The following DLGAP1 variants were observed in gnomAD, a reference collection of about 807,000 sequenced individuals.
The protein encoded by DLGAP1 is disks large-associated protein 1.
In DLGAP1, 11 loss-of-function variants were observed where a neutral mutation model predicts 90.8. That is an observed-to-expected ratio of 0.12 (90% CI 0.08 to 0.20). The LOEUF (loss-of-function observed/expected upper bound fraction) is 0.20, where lower values mean the gene tolerates loss of function less well. DLGAP1 is among the 10% of genes least tolerant of loss of function. The probability of loss-of-function intolerance (pLI) is 1.00; values close to 1 mark genes in which losing one functional copy is unlikely to be tolerated. For missense variants in DLGAP1, 1,050 were observed against 1,333.8 expected (o/e 0.79, Z 3.31); for synonymous variants, 558 against 540.7 (o/e 1.03, Z -0.44).
At chr18:4,442,456 T>C (rs905059825) in intron 1 of DLGAP1, among the ~76,000 whole-genome samples, 5 of 152,232 alleles carry the variant, frequency 3.3e-5, no homozygotes, top group African/African-American at 1.2e-4. Flanking sequence ...AAATACGCCC[T>C]ATGCTACAAT....
intron 7 of DLGAP1, among the ~76,000 whole-genome samples, chr18:3,583,191 T>TTCCTTCCTTCCTTCCC (rs2055663018): frequency 6.8e-6 from 1 of 147,270 alleles, no homozygotes; most frequent in Non-Finnish European, 1.5e-5. Context: ...CCTACCTTCC[T>TTCCTTCCTTCCTTCCC]TCCTTCCTTC....
chr18:3,676,477 A>G (rs573254285), intron 7 of DLGAP1, among the ~76,000 whole-genome samples: 1 of 151,978 alleles, frequency 6.6e-6, no homozygotes, highest in South Asian at 2.1e-4. Context: ...ATGAGTGTCC[A>G]TGTCCTAAAT....
intron 3 of DLGAP1, among the ~76,000 whole-genome samples, chr18:3,994,230 C>G (rs1250553783): frequency 6.6e-6 from 1 of 152,162 alleles, no homozygotes; most frequent in Non-Finnish European, 1.5e-5. Context: ...CCACTTCCTC[C>G]CTGTGCTGGT....
At position 4,340,144 on chromosome 18, in the gene DLGAP1, CAAT is replaced by C. The variant is rs1288272643; in HGVS notation, c.-267+114859_-267+114861del. On this transcript the variant is annotated intron_variant, in intron 1 of 12. Transcript: ENST00000315677. ...AATAGGTACAATAAGATATTAACAA[CAAT>C]AACTAATAATTATTAGTTGAATATT... Among the ~76,000 whole-genome samples the C allele has an allele frequency of 5.3e-5, 8 of 152,142 alleles. No individual in the cohort carries two copies. The East Asian group carries it at 1.2e-3, about 22-fold the overall frequency.
chr18:3,569,718 A>G (rs756447416), intron 8 of DLGAP1, among the ~76,000 whole-genome samples: 1 of 151,992 alleles, frequency 6.6e-6, no homozygotes, highest in Non-Finnish European at 1.5e-5. Flanking sequence ...CCCTTGGGTT[A>G]TGAATGGATC....
chr18:4,420,202 A>G (rs1050066652), intron 1 of DLGAP1, among the ~76,000 whole-genome samples: 4 of 152,226 alleles, frequency 2.6e-5, no homozygotes, highest in African/African-American at 7.2e-5. Context: ...TCTGATAAAA[A>G]TGAAAACAAA....
rs2071076378 is a variant in DLGAP1, at chr18:3,879,067, TG to T, written c.957+44del. 7.0e-7 allele frequency: 1 copy of T among 1,418,846 alleles called. No homozygotes were observed. Among genetic ancestry groups the T allele is most frequent in the African/African-American group, 1.4e-5 (1 of 69,300 alleles). The allele number at this position is 1,418,846 out of a possible 1,614,324, so 87.9% of individuals were successfully genotyped here. A position where few individuals can be genotyped will look rare whatever the true frequency, so the allele number is the denominator to read the frequency against. ...ACCAGGAGAAATGCCCACACAAGCA[TG>T]CCAGGTACTACTTCTAAGCCTCCAT... On this transcript the variant is annotated intron_variant, in intron 4 of 12. Transcript: ENST00000315677. This position sits in a 1 kb window ranked among gnomAD's most constrained non-coding sequence, Gnocchi z 6.6.
At chr18:4,278,401 T>C (rs1242125116) in intron 1 of DLGAP1, among the ~76,000 whole-genome samples, 3 of 152,136 alleles carry the variant, frequency 2.0e-5, no homozygotes, top group African/African-American at 7.2e-5. Context: ...CTAGTGTACA[T>C]TGTACCCACT....
chr18:3,523,219 C>T (rs905035356), intron 10 of DLGAP1, among the ~76,000 whole-genome samples: 6 of 151,258 alleles, frequency 4.0e-5, no homozygotes, highest in Admixed American at 4.0e-4. Context: ...CTAAAAAATA[C>T]AAAAAAATTT....
chr18:4,165,329 C>A (rs1392685573), intron 1 of DLGAP1, among the ~76,000 whole-genome samples: 1 of 152,116 alleles, frequency 6.6e-6, no homozygotes, highest in East Asian at 1.9e-4. Flanking sequence ...AAACGGTTTT[C>A]AAGTGATAAA....
intron 7 of DLGAP1, among the ~76,000 whole-genome samples, chr18:3,668,735 C>A (rs180887826): frequency 1.1e-4 from 16 of 152,280 alleles, no homozygotes; most frequent in Non-Finnish European, 1.6e-4. Context: ...CACTGGCTCA[C>A]GCATGGAATC....
At chr18:4,234,059 G>T in intron 1 of DLGAP1, among the ~76,000 whole-genome samples, 1 of 150,710 alleles carries the variant, frequency 6.6e-6, no homozygotes. Context: ...TGACACCAAA[G>T]AACTGTCCTC....
chr18:3,863,315 C>T (rs898185597), intron 4 of DLGAP1, among the ~76,000 whole-genome samples: 3 of 152,160 alleles, frequency 2.0e-5, no homozygotes, highest in Non-Finnish European at 4.4e-5. Context: ...TTGCTTTATG[C>T]CTCATGTGTT....
chr18:3,646,925 AAAAT>A (rs982594305), intron 7 of DLGAP1, among the ~76,000 whole-genome samples: 3 of 151,568 alleles, frequency 2.0e-5, no homozygotes, highest in Admixed American at 6.6e-5. Context: ...ACTCCATCTC[AAAAT>A]AAATAAATAA....
chr18:3,646,333 C>G (rs747006559), intron 7 of DLGAP1, among the ~76,000 whole-genome samples: 3 of 151,958 alleles, frequency 2.0e-5, no homozygotes, highest in Admixed American at 6.6e-5. Flanking sequence ...GTCAAGGCTA[C>G]AGTGAGCTGA....
chr18:4,237,006 AC>A (rs554734138), intron 1 of DLGAP1, among the ~76,000 whole-genome samples: 261 of 152,230 alleles, frequency 1.7e-3, no homozygotes, highest in African/African-American at 6.0e-3. Flanking sequence ...AGGCATATTC[AC>A]CCTGACATAG....
intron 1 of DLGAP1, among the ~76,000 whole-genome samples, chr18:4,184,298 A>G (rs2077255476): frequency 6.6e-6 from 1 of 152,150 alleles, no homozygotes; most frequent in South Asian, 2.1e-4. Context: ...CCATCCTGAC[A>G]TTACCAAATG....
chr18:4,234,090 T>G (rs1012535938), intron 1 of DLGAP1, among the ~76,000 whole-genome samples: 1 of 151,264 alleles, frequency 6.6e-6, no homozygotes, highest in Non-Finnish European at 1.5e-5. Flanking sequence ...CCATGTAAAG[T>G]TTCTTTTTTG....
intron 1 of DLGAP1, among the ~76,000 whole-genome samples, chr18:4,288,963 G>A (rs2079777197): frequency 6.6e-6 from 1 of 152,118 alleles, no homozygotes; most frequent in Non-Finnish European, 1.5e-5. Context: ...CCTCTGTTCT[G>A]TCATGTGGCG....
Sources: allele counts gnomAD v4.1 joint callset (sites outside exome capture counted in the v4.1 genomes callset), GRCh38; gene constraint gnomAD v4.1.1; non-coding constraint Gnocchi (gnomAD v3.1); transcripts MANE v1.5; gene names NCBI Gene and HGNC (gene_info 2026-07-23, HGNC 2026-07-21).